Variants in SEC23A observed in about 807,000 individuals in gnomAD.
The protein encoded by SEC23A is protein transport protein Sec23A.
SEC23A carries 56 observed loss-of-function variants against 103.7 expected under a neutral mutation model. The observed-to-expected ratio is 0.54, with a 90% CI of 0.44 to 0.67. The LOEUF (loss-of-function observed/expected upper bound fraction) is 0.67. Ranked by LOEUF, SEC23A falls within the 30% of genes least tolerant of loss-of-function variation. The pLI, the probability that SEC23A is intolerant of heterozygous loss-of-function variation, is 0.00. For synonymous variants in SEC23A, 281 were observed against 293.0 expected, an observed-to-expected ratio of 0.96 and a Z score of 0.42; for missense variants, 784 against 936.4, an observed-to-expected ratio of 0.84 and a Z score of 2.12.
intron 3 of SEC23A, chr14:39,092,837 G>A (rs191377449): frequency 1.4e-4 from 77 of 531,666 alleles, no homozygotes; most frequent in African/African-American, 1.2e-3. Flanking sequence ...TGTTTTATGG[G>A]TTTTTTTTCA....
At chr14:39,093,296 T>C (rs1887727196) in intron 2 of SEC23A, 52 bp from the exon 3 acceptor site, 1 of 1,427,414 alleles carries the variant, frequency 7.0e-7, no homozygotes, top group Non-Finnish European at 9.7e-7. Context: ...AGTTCAATTT[T>C]ACAAAAATCC....
rs927442660 is a variant in SEC23A, at chr14:39,048,522, C to T, written c.1737+130G>A. The T allele has an allele frequency of 7.6e-6, 5 of 655,894 alleles. No individual in the cohort carries two copies. In the African/African-American group the frequency reaches 9.1e-5, roughly 12 times the overall value. The allele number at this position is 655,894 out of a possible 1,614,324, so 40.6% of individuals were successfully genotyped here. A position where few individuals can be genotyped will look rare whatever the true frequency, so the allele number is the denominator to read the frequency against. On this transcript the variant is annotated intron_variant, in intron 15 of 19. Transcript: ENST00000307712. ...CTAACTACTCAGGAGGCTGACTAAGCCCCGGAGTTCCAGGTTACAGTGAGC... is the reference window on the plus strand; with the variant it reads ...CTAACTACTCAGGAGGCTGACTAAGTCCCGGAGTTCCAGGTTACAGTGAGC...
At chr14:39,079,606 G>A (rs1887150058) in intron 7 of SEC23A, among the ~76,000 whole-genome samples, 1 of 152,058 alleles carries the variant, frequency 6.6e-6, no homozygotes, top group East Asian at 1.9e-4. Flanking sequence ...GATCACCTGA[G>A]GTCAGGAGTT....
rs186129254 is a variant in SEC23A at position 39,077,547 on chromosome 14, A to G, written c.829-1454T>C. Among the ~76,000 whole-genome samples the G allele has an allele frequency of 1.7e-4, 26 of 152,070 alleles. No individual in the cohort carries two copies. In the East Asian group the frequency reaches 4.5e-3, roughly 26 times the overall value. ...ACACGGTAAGACTCTGTCAAAAAAA[A>G]GAAAGAAAGAGAAAGAGAGACAAAG... On this transcript the variant is annotated intron_variant, in intron 7 of 19. Coordinates refer to ENST00000307712, the MANE Select transcript of SEC23A (RefSeq NM_006364.4).
intron 9 of SEC23A, among the ~76,000 whole-genome samples, chr14:39,069,800 T>G (rs957539327): frequency 1.6e-4 from 24 of 152,064 alleles, no homozygotes; most frequent in African/African-American, 5.3e-4. Context: ...TATTCCTCAC[T>G]TGGAACACTC....
chr14:39,083,837 T>C (rs1887325160), intron 7 of SEC23A, among the ~76,000 whole-genome samples: 1 of 151,940 alleles, frequency 6.6e-6, no homozygotes, highest in Non-Finnish European at 1.5e-5. Context: ...GATGCTGGGA[T>C]TACAGGCGTG....
intron 1 of SEC23A, among the ~76,000 whole-genome samples, chr14:39,096,360 G>C (rs915562496): frequency 6.6e-6 from 1 of 151,860 alleles, no homozygotes; most frequent in African/African-American, 2.4e-5. Context: ...AAGAAACCCC[G>C]TCTCTACTAA....
chr14:39,095,081 G>T (rs1887838732), intron 2 of SEC23A: 1 of 675,574 alleles, frequency 1.5e-6, no homozygotes, highest in Non-Finnish European at 2.7e-6. Flanking sequence ...CCAGGAAAAA[G>T]ACTGTGGTAT....
Position 39,085,745 on chromosome 14 carries a change from A to T in SEC23A, c.828+17T>A. The T allele has an allele frequency of 1.2e-6, 2 of 1,610,942 alleles. No individual in the cohort carries two copies. The highest frequency in any genetic ancestry group is 1.7e-6 in the Non-Finnish European group (2 of 1,179,370). On this transcript the variant is annotated intron_variant, in intron 7 of 19. Transcript: ENST00000307712. Reference sequence around the variant, plus strand: ...ACACACACACTTTACATTCCAAAACAAAACCATCTTCCCTACCTCCAGCAG... The same window carrying T: ...ACACACACACTTTACATTCCAAAACTAAACCATCTTCCCTACCTCCAGCAG...
At chr14:39,086,123 T>G (rs1025134599) in intron 6 of SEC23A, among the ~76,000 whole-genome samples, 2 of 151,990 alleles carry the variant, frequency 1.3e-5, no homozygotes, top group Non-Finnish European at 2.9e-5. Context: ...AGGTCTGGAG[T>G]GGAGCCGAAG....
In SEC23A at chr14:39,094,363, CAT is replaced by C. The variant is rs201744323; in HGVS notation, c.222-1121_222-1120del. Among the ~76,000 whole-genome samples, 263 of 43,020 alleles carry C rather than the reference CAT, an allele frequency of 6.1e-3. 19 individuals are homozygous for C. The highest frequency in any genetic ancestry group is 0.016 in the African/African-American group (144 of 9,124). The allele number at this position is 43,020 out of a possible 152,430, so 28.2% of individuals were successfully genotyped here. On this transcript the variant is annotated intron_variant, in intron 2 of 19. Transcript: ENST00000307712. ...ATATATATGCATATATACACATATA[CAT>C]ATATATATACACACACACACACACA...
intron 7 of SEC23A, 51 bp from the exon 8 acceptor site, chr14:39,076,144 TC>T (rs1386009174): frequency 7.6e-7 from 1 of 1,321,670 alleles, no homozygotes; most frequent in Admixed American, 2.1e-5. Context: ...AATATACATT[TC>T]TGATAATAAT....
chr14:39,040,428 C>A, intron 18 of SEC23A: 1 of 351,888 alleles, frequency 2.8e-6, no homozygotes, highest in South Asian at 4.3e-5. Flanking sequence ...ACTTTCCAAG[C>A]TGTTCACATT....
intron 8 of SEC23A, among the ~76,000 whole-genome samples, chr14:39,075,694 T>C (rs1886989703): frequency 6.6e-6 from 1 of 152,226 alleles, no homozygotes; most frequent in East Asian, 1.9e-4. Context: ...AATGTTTCTC[T>C]CAGTAATAAT....
chr14:39,048,527 G>T, intron 15 of SEC23A, 125 bp downstream of exon 15: 2 of 668,704 alleles, frequency 3.0e-6, no homozygotes, highest in Non-Finnish European at 5.3e-6. Flanking sequence ...CTAAGCCCCG[G>T]AGTTCCAGGT....
intron 13 of SEC23A, among the ~76,000 whole-genome samples, chr14:39,059,300 A>AACAAAAAAAAAC (rs1886381835): frequency 9.9e-6 from 1 of 100,820 alleles, no homozygotes. Flanking sequence ...AAAAAAAAAA[A>AACAAAAAAAAAC]AAAAAAAAAA....
At chr14:39,069,459 TTTA>T in intron 9 of SEC23A, among the ~76,000 whole-genome samples, 1 of 152,118 alleles carries the variant, frequency 6.6e-6, no homozygotes, top group South Asian at 2.1e-4. Context: ...GTACATTCTC[TTTA>T]TTATTATTAT....
intron 1 of SEC23A, among the ~76,000 whole-genome samples, chr14:39,098,566 G>A (rs1887972792): frequency 6.6e-6 from 1 of 152,066 alleles, no homozygotes; most frequent in Admixed American, 6.6e-5. Flanking sequence ...GCTTGAGGTA[G>A]GAGTTCAAGA....
intron 15 of SEC23A, among the ~76,000 whole-genome samples, chr14:39,045,785 A>C (rs2415525): frequency 0.93 from 141,156 of 152,304 alleles, 65,513 homozygotes; most frequent in East Asian, 0.97. Flanking sequence ...TAATCTTCAC[A>C]CGTCTGACCA....
Sources: allele counts gnomAD v4.1 joint callset (sites outside exome capture counted in the v4.1 genomes callset), GRCh38; gene constraint gnomAD v4.1.1; transcripts MANE v1.5; gene names NCBI Gene and HGNC (gene_info 2026-07-23, HGNC 2026-07-21).